CCDC126: variants seen among roughly 807,000 people sequenced by gnomAD.
CCDC126 encodes coiled-coil domain-containing protein 126.
CCDC126 carries 5 observed loss-of-function variants against 11.7 expected under a neutral mutation model. The observed-to-expected ratio is 0.43, with a 90% CI of 0.22 to 0.90. CCDC126 has a LOEUF of 0.90. Among genes scored for constraint, CCDC126 ranks in the 40% least tolerant of loss-of-function variants. CCDC126 has a pLI of 0.27. For synonymous variants in CCDC126, 60 were observed against 61.9 expected (o/e 0.97, Z 0.14); for missense variants, 150 against 163.1 (o/e 0.92, Z 0.44).
Position 23,637,965 on chromosome 7 carries a change from G to C in CCDC126, c.239-4966G>C, listed in dbSNP as rs1472896668. Among the ~76,000 whole-genome samples, 6 of 92,244 alleles carry C rather than the reference G, an allele frequency of 6.5e-5. No homozygotes were observed. The Admixed American group carries it at 6.7e-4, about 10-fold the overall frequency. 60.5% of individuals were successfully genotyped at this position (92,244 alleles called of 152,430 possible). On this transcript the variant is annotated intron_variant, in intron 3 of 3. Coordinates refer to ENST00000307471, the MANE Select transcript of CCDC126 (RefSeq NM_138771.4). ...CAGCCGCCCCGTCCGGGAGGGAGGT[G>C]GGGGGGTCAGCCCCCCGCCCGGCCA... is the stretch of plus-strand genomic sequence containing the variant.
intron 3 of CCDC126, among the ~76,000 whole-genome samples, chr7:23,624,854 A>G (rs1006192663): frequency 7.2e-5 from 11 of 152,076 alleles, no homozygotes; most frequent in Admixed American, 5.2e-4. Flanking sequence ...ATTTTATTTT[A>G]ATTTTTGAGA....
chr7:23,614,047 T>G (rs1782757982), intron 3 of CCDC126, among the ~76,000 whole-genome samples: 1 of 152,114 alleles, frequency 6.6e-6, no homozygotes, highest in South Asian at 2.1e-4. Flanking sequence ...TTACTGAAGG[T>G]TGGGGTGGCT....
At chr7:23,625,873 G>A (rs1783007102) in intron 3 of CCDC126, among the ~76,000 whole-genome samples, 1 of 151,404 alleles carries the variant, frequency 6.6e-6, no homozygotes, top group Non-Finnish European at 1.5e-5. Context: ...TAGCCAGGAT[G>A]GTCTCGATCT....
chr7:23,615,330 T>G (rs763227225), intron 3 of CCDC126, among the ~76,000 whole-genome samples: 7 of 152,250 alleles, frequency 4.6e-5, no homozygotes, highest in Non-Finnish European at 8.8e-5. Flanking sequence ...TTCATAGAAT[T>G]GAAGAGAGTT....
rs1783408883 is a variant in CCDC126 at position 23,643,766 on chromosome 7, TC to T, written c.*653del. 1 of 152,398 alleles carries T rather than the reference TC, an allele frequency of 6.6e-6. No individual in the cohort carries two copies. Among genetic ancestry groups the T allele is most frequent in the Admixed American group, 6.5e-5 (1 of 15,278 alleles). 9.4% of individuals were successfully genotyped at this position (152,398 alleles called of 1,614,324 possible). A position where few individuals can be genotyped will look rare whatever the true frequency, so the allele number is the denominator to read the frequency against. On this transcript the variant is annotated 3_prime_UTR_variant, in exon 4 of 4. Coordinates refer to ENST00000307471, the MANE Select transcript of CCDC126 (RefSeq NM_138771.4). ...ATCTTGAAATGGGTAGCAGCCACTG[TC>T]CATTACCTATCGTAAACATTGGGGC... is the stretch of plus-strand genomic sequence containing the variant.
chr7:23,600,002 C>G (rs1403262063), intron 2 of CCDC126, among the ~76,000 whole-genome samples: 1 of 152,142 alleles, frequency 6.6e-6, no homozygotes, highest in African/African-American at 2.4e-5. Flanking sequence ...CCAGACTGGT[C>G]TTGAATGCCT....
chr7:23,643,105 G>T lies in CCDC126; in HGVS notation c.413G>T (p.Ser138Ile). ...AATAAAAGAACGAATGTCTCGGGCA[G>T]TATCAGATAGCAGTTGAAAATCACC... ...TTNKRTNVSG[S>I]IR Residue 138 changes from serine to isoleucine, a missense_variant, in exon 4 of 4, where the codon AGT becomes ATT. By Grantham distance (142) the Ser-to-Ile change is moderately radical (BLOSUM62 -2). Transcript: ENST00000307471. 1 of 1,613,592 alleles carries T rather than the reference G, an allele frequency of 6.2e-7. No homozygotes were observed. Among genetic ancestry groups the T allele is most frequent in the South Asian group, 1.1e-5 (1 of 90,986 alleles).
chr7:23,623,662 T>C (rs1782964834), intron 3 of CCDC126, among the ~76,000 whole-genome samples: 1 of 152,114 alleles, frequency 6.6e-6, no homozygotes, highest in African/African-American at 2.4e-5. Context: ...GAATATGTTT[T>C]ATACTTTATT....
chr7:23,611,413 C>G lies in CCDC126; in HGVS notation c.98C>G (p.Thr33Ser). Residue 33 changes from threonine to serine, a missense_variant, in exon 3 of 4, where the codon ACT becomes AGT. Coordinates refer to ENST00000307471, the MANE Select transcript of CCDC126 (RefSeq NM_138771.4). ...TGGGGATTGATGTTACTGCACTATACTTTTCAACAACCAAGACATCAAAGC... is the reference window on the plus strand; with the variant it reads ...TGGGGATTGATGTTACTGCACTATAGTTTTCAACAACCAAGACATCAAAGC... ...LIWGLMLLHY[T>S]FQQPRHQSSV... The G allele has an allele frequency of 3.7e-6, 6 of 1,613,742 alleles. No individual in the cohort carries two copies. The highest frequency in any genetic ancestry group is 5.1e-6 in the Non-Finnish European group (6 of 1,179,758).
chr7:23,622,876 T>C, intron 3 of CCDC126: 1 of 384,426 alleles, frequency 2.6e-6, no homozygotes, highest in Non-Finnish European at 5.1e-6. Context: ...TGTTCTCTTG[T>C]TGCGAGTTCA....
chr7:23,600,923 A>G (rs1181023743), intron 2 of CCDC126, among the ~76,000 whole-genome samples: 1 of 152,162 alleles, frequency 6.6e-6, no homozygotes, highest in African/African-American at 2.4e-5. Flanking sequence ...GCAAGACTCC[A>G]TTGATGGCTG....
At chr7:23,610,534 C>G (rs535319841) in intron 2 of CCDC126, among the ~76,000 whole-genome samples, 4 of 152,048 alleles carry the variant, frequency 2.6e-5, no homozygotes, top group African/African-American at 9.7e-5. Context: ...TAGTACTTGC[C>G]GTTAAATGAT....
intron 3 of CCDC126, among the ~76,000 whole-genome samples, chr7:23,636,746 A>C (rs1783227161): frequency 4.3e-5 from 6 of 141,166 alleles, no homozygotes; most frequent in East Asian, 4.3e-4. Context: ...TCCGCCCGGC[A>C]GCCACCCCGT....
intron 2 of CCDC126, among the ~76,000 whole-genome samples, chr7:23,599,990 G>A (rs561726112): frequency 1.2e-3 from 189 of 152,102 alleles, no homozygotes; most frequent in Non-Finnish European, 2.2e-3. Flanking sequence ...TCACCATGTT[G>A]ACCAGACTGG....
rs769286740 is a variant in CCDC126 at position 23,643,011 on chromosome 7, A to G, written c.319A>G (p.Ile107Val). ...GAAGCTGGAGAACAAAGTTGACTAT[A>G]TTGTTGTGAATGGCTCAGCAGCCAA... ...LVKLENKVDY[I>V]VVNGSAANTT... The change falls in exon 4 of 4, where the codon ATT (isoleucine) becomes GTT (valine). Residue 107 changes from isoleucine to valine, a missense_variant. Ile to Val is a conservative substitution (Grantham distance 29, BLOSUM62 3). Transcript: ENST00000307471. 5 of 1,614,158 alleles carry G rather than the reference A, an allele frequency of 3.1e-6. No individual in the cohort carries two copies. Among genetic ancestry groups the G allele is most frequent in the South Asian group, 2.2e-5 (2 of 91,088 alleles).
intron 2 of CCDC126, among the ~76,000 whole-genome samples, chr7:23,606,377 C>T (rs999930054): frequency 3.3e-5 from 5 of 151,974 alleles, no homozygotes; most frequent in African/African-American, 1.2e-4. Context: ...TTTTAATATA[C>T]ATTTCCCTAT....
At chr7:23,640,705 C>T (rs1318967431) in intron 3 of CCDC126, among the ~76,000 whole-genome samples, 1 of 152,014 alleles carries the variant, frequency 6.6e-6, no homozygotes, top group African/African-American at 2.4e-5. Flanking sequence ...TATGCCTATT[C>T]TACATATTCT....
intron 2 of CCDC126, among the ~76,000 whole-genome samples, chr7:23,602,610 A>G (rs563891423): frequency 6.6e-6 from 1 of 152,268 alleles, no homozygotes; most frequent in Non-Finnish European, 1.5e-5. Flanking sequence ...TGTACTGAGG[A>G]AAATAGGAAT....
intron 3 of CCDC126, 38 bp downstream of exon 3, chr7:23,611,591 C>T: frequency 5.6e-6 from 8 of 1,429,660 alleles, no homozygotes; most frequent in Non-Finnish European, 7.9e-6. Flanking sequence ...TTCCTCCAAT[C>T]CCTGTTTAAA....
Sources: gnomAD v4.1 joint callset for allele counts (sites outside exome capture counted in the v4.1 genomes callset) on GRCh38, gnomAD v4.1.1 for gene constraint, MANE v1.5 for transcripts, NCBI Gene and HGNC (gene_info 2026-07-23, HGNC 2026-07-21) for gene names.